Variants in NXPE2 observed in about 807,000 individuals in gnomAD.
NXPE2 encodes the protein NXPE family member 2.
A neutral mutation model predicts 34.4 loss-of-function variants in NXPE2; 34 were observed. That is an observed-to-expected ratio of 0.99 (90% CI 0.75 to 1.31). The LOEUF (loss-of-function observed/expected upper bound fraction) is 1.31, where lower values mean the gene tolerates loss of function less well. Ranked by LOEUF, NXPE2 falls within the 40% of genes most tolerant of loss-of-function variation. NXPE2 has a pLI of 0.00. For synonymous variants in NXPE2, 235 were observed against 231.3 expected (o/e 1.02, Z -0.15); for missense variants, 649 against 672.5 (o/e 0.97, Z 0.39).
chr11:114,699,443 G>A (rs1223132556), intron 3 of NXPE2, among the ~76,000 whole-genome samples: 1 of 152,130 alleles, frequency 6.6e-6, no homozygotes, highest in Non-Finnish European at 1.5e-5. Flanking sequence ...CGGCTCTAAA[G>A]GTGAAATTTA....
chr11:114,675,445 A>G (rs1278625191), upstream of NXPE2, among the ~76,000 whole-genome samples: 1 of 151,906 alleles, frequency 6.6e-6, no homozygotes, highest in Non-Finnish European at 1.5e-5. Flanking sequence ...ACTGTTGAAC[A>G]AATTCAGTAA....
the NXPE2 span, among the ~76,000 whole-genome samples, chr11:114,489,455 T>G: frequency 2.0e-5 from 3 of 152,330 alleles, no homozygotes; most frequent in African/African-American, 7.2e-5. Context: ...GCAAAAATCT[T>G]CAATAAAATA....
chr11:114,544,883 A>G, the NXPE2 span, among the ~76,000 whole-genome samples: 1 of 152,192 alleles, frequency 6.6e-6, no homozygotes, highest in Non-Finnish European at 1.5e-5. Flanking sequence ...ATAAGAGAAA[A>G]CAATTTTAAA....
the NXPE2 span, among the ~76,000 whole-genome samples, chr11:114,508,074 A>G: frequency 6.6e-6 from 1 of 152,184 alleles, no homozygotes; most frequent in African/African-American, 2.4e-5. Context: ...TGTGCAAAAA[A>G]TCACTAGCAT....
chr11:114,574,965 C>G, the NXPE2 span, among the ~76,000 whole-genome samples: 2 of 152,102 alleles, frequency 1.3e-5, no homozygotes, highest in African/African-American at 2.4e-5. Context: ...CTAACCAAAT[C>G]CAATGGCATA....
chr11:114,480,224 G>T, the NXPE2 span, among the ~76,000 whole-genome samples: 1 of 106,050 alleles, frequency 9.4e-6, no homozygotes. Context: ...AAGGAAGCCA[G>T]AGCAATGTCA....
chr11:114,530,046 A>AT, the NXPE2 span: 1 of 959,448 alleles, frequency 1.0e-6, no homozygotes, highest in Non-Finnish European at 1.5e-6. Flanking sequence ...GGCCCCAAGA[A>AT]GACACCACAT....
chr11:114,535,141 A>G, the NXPE2 span, among the ~76,000 whole-genome samples: 1 of 152,228 alleles, frequency 6.6e-6, no homozygotes, highest in African/African-American at 2.4e-5. Context: ...ATTCTTAAAG[A>G]AAAGAACTTT....
At position 114,698,566 on chromosome 11, in the gene NXPE2, C is replaced by A. The variant is rs771704132; in HGVS notation, c.654C>A (p.Gly218=). The A allele has an allele frequency of 1.1e-5, 17 of 1,614,188 alleles. No homozygotes were observed. Among genetic ancestry groups the A allele is most frequent in the Non-Finnish European group, 1.4e-5 (16 of 1,180,008 alleles). ...GATGTGATAGGATCATCTTCACTGG[C>A]CTGTTTGCCAACAGAAGCTCCAATG... ...NQGCDRIIFT[G]LFANRSSNVF... Residue 218 remains glycine (G), a synonymous_variant, in exon 3 of 6, where the codon GGC becomes GGA. Transcript: ENST00000389586.
the NXPE2 span, among the ~76,000 whole-genome samples, chr11:114,723,804 A>G: frequency 6.6e-6 from 1 of 152,174 alleles, no homozygotes; most frequent in South Asian, 2.1e-4. Context: ...TTCAAACACA[A>G]AAACCATAGT....
chr11:114,691,190 T>A (rs1172964536), intron 2 of NXPE2, among the ~76,000 whole-genome samples: 1 of 152,178 alleles, frequency 6.6e-6, no homozygotes, highest in Non-Finnish European at 1.5e-5. Context: ...TTCCTTCTCA[T>A]CTGACGGAGT....
the NXPE2 span, among the ~76,000 whole-genome samples, chr11:114,644,234 G>A: frequency 1.3e-4 from 20 of 152,142 alleles, no homozygotes; most frequent in Admixed American, 9.2e-4. Context: ...CTTCCTGTTC[G>A]AATACCTTTA....
At chr11:114,722,341 G>A in the NXPE2 span, among the ~76,000 whole-genome samples, 4 of 151,766 alleles carry the variant, frequency 2.6e-5, no homozygotes, top group Admixed American at 6.6e-5. Flanking sequence ...ATACATGCCT[G>A]CTTCCCCTTC....
chr11:114,738,078 C>G, the NXPE2 span, among the ~76,000 whole-genome samples: 7 of 152,236 alleles, frequency 4.6e-5, no homozygotes, highest in African/African-American at 1.7e-4. Context: ...CAGAGTGAGA[C>G]TCTGTCTCAA....
chr11:114,476,061 A>G, the NXPE2 span, among the ~76,000 whole-genome samples: 1,114 of 152,350 alleles, frequency 7.3e-3, 22 homozygotes, highest in Non-Finnish European at 9.7e-3. Context: ...TATAATTCAC[A>G]TGGTGACTGA....
chr11:114,807,969 AG>A, the NXPE2 span, among the ~76,000 whole-genome samples: 3 of 152,230 alleles, frequency 2.0e-5, no homozygotes, highest in African/African-American at 7.2e-5. Flanking sequence ...CAAATGTAAA[AG>A]AACAGAAATT....
the NXPE2 span, chr11:114,513,341 A>T: frequency 2.3e-6 from 1 of 438,966 alleles, no homozygotes; most frequent in Non-Finnish European, 4.4e-6. Context: ...GATTTCCTTT[A>T]TTCTTAGCTT....
the NXPE2 span, among the ~76,000 whole-genome samples, chr11:114,723,021 T>G: frequency 6.6e-6 from 1 of 152,194 alleles, no homozygotes; most frequent in Non-Finnish European, 1.5e-5. Flanking sequence ...ATATAAAGTT[T>G]GAAAACCTTC....
At chr11:114,644,834 A>G in the NXPE2 span, among the ~76,000 whole-genome samples, 18 of 152,212 alleles carry the variant, frequency 1.2e-4, no homozygotes, top group Admixed American at 9.8e-4. Flanking sequence ...TTAAAAAAAA[A>G]AACTGTAATT....
Sources: allele counts gnomAD v4.1 joint callset (sites outside exome capture counted in the v4.1 genomes callset), GRCh38; gene constraint gnomAD v4.1.1; transcripts MANE v1.5; gene names NCBI Gene and HGNC (gene_info 2026-07-23, HGNC 2026-07-21).